Variants in TRIM24 observed in about 807,000 individuals in gnomAD.
TRIM24 encodes the protein tripartite motif containing 24.
In TRIM24, 29 loss-of-function variants were observed where a neutral mutation model predicts 123.9. The observed-to-expected ratio is 0.23, with a 90% CI of 0.17 to 0.32. TRIM24 has a LOEUF of 0.32. Among genes scored for constraint, TRIM24 ranks in the 10% least tolerant of loss-of-function variants. The pLI, the probability that TRIM24 is intolerant of heterozygous loss-of-function variation, is 1.00. For synonymous variants in TRIM24, 456 were observed against 461.1 expected (o/e 0.99, Z 0.14); for missense variants, 932 against 1,295.3 (o/e 0.72, Z 4.31).
chr7:138,517,562 CG>C (rs2116561258), intron 3 of TRIM24, among the ~76,000 whole-genome samples: 1 of 152,024 alleles, frequency 6.6e-6, no homozygotes, highest in East Asian at 1.9e-4. Flanking sequence ...TTAGTAGAGA[CG>C]GGGTTTCACC....
At chr7:138,570,210 G>C (rs1442162700) in intron 10 of TRIM24, among the ~76,000 whole-genome samples, 1 of 152,130 alleles carries the variant, frequency 6.6e-6, no homozygotes, top group Non-Finnish European at 1.5e-5. Flanking sequence ...GGCTCCCAAA[G>C]TGCTGCGATT....
chr7:138,557,296 C>G (rs1371840485), intron 9 of TRIM24, among the ~76,000 whole-genome samples: 2 of 152,136 alleles, frequency 1.3e-5, no homozygotes, highest in Admixed American at 1.3e-4. Flanking sequence ...TTCATTCCCC[C>G]CTTTGATGCT....
At chr7:138,517,985 C>CT (rs556169185) in intron 3 of TRIM24, among the ~76,000 whole-genome samples, 223 of 152,262 alleles carry the variant, frequency 1.5e-3, no homozygotes, top group Non-Finnish European at 2.5e-3. Flanking sequence ...AATTATTTAG[C>CT]TTTTTTCTGT....
rs545936958 is a variant in TRIM24, at chr7:138,538,458, G to A, written c.997-199G>A. On this transcript the variant is annotated intron_variant, in intron 6 of 18. Transcript: ENST00000343526. Reference sequence around the variant, plus strand: ...AAAACCTGATCCAGGGCCTTGAGGAGTGAGGGGCCACATTGGGATGCAGTT... The same window carrying A: ...AAAACCTGATCCAGGGCCTTGAGGAATGAGGGGCCACATTGGGATGCAGTT... Among the ~76,000 whole-genome samples, 27 of 152,298 alleles carry A rather than the reference G, an allele frequency of 1.8e-4. No individual in the cohort carries two copies. In the East Asian group the frequency reaches 5.0e-3, roughly 28 times the overall value.
chr7:138,508,700 C>CGCGCGTGCGCGCGTGCGTGCGTGT (rs1182276337), intron 2 of TRIM24, among the ~76,000 whole-genome samples: 2 of 35,510 alleles, frequency 5.6e-5, no homozygotes, highest in African/African-American at 1.5e-4. Context: ...TGTGCGCGCG[C>CGCGCGTGCGCGCGTGCGTGCGTGT]GTGTGTGCGT....
intron 7 of TRIM24, 27 bp downstream of exon 7, chr7:138,538,830 A>G: frequency 6.3e-7 from 1 of 1,594,748 alleles, no homozygotes; most frequent in Non-Finnish European, 8.6e-7. Context: ...TATTTAATAT[A>G]CTGTAAAAAT....
intron 6 of TRIM24, among the ~76,000 whole-genome samples, chr7:138,532,267 GT>G (rs1796764203): frequency 6.6e-6 from 1 of 152,020 alleles, no homozygotes; most frequent in Non-Finnish European, 1.5e-5. Context: ...TGCTTTTGGT[GT>G]TTTAGACATG....
Position 138,460,516 on chromosome 7 carries a change from T to G in TRIM24, c.-33T>G. 7.9e-7 allele frequency: 1 copy of G among 1,261,034 alleles called. No homozygotes were observed. The highest frequency in any genetic ancestry group is 3.4e-5 in the South Asian group (1 of 29,800). The allele number at this position is 1,261,034 out of a possible 1,614,324, so 78.1% of individuals were successfully genotyped here. On this transcript the variant is annotated 5_prime_UTR_variant, in exon 1 of 19. Coordinates refer to ENST00000343526, the MANE Select transcript of TRIM24 (RefSeq NM_015905.3). ...CGGGGGCGGCGGGCGGAGACCGCGC[T>G]CTCGCTTCCCCGGCGGCGGCAAGGG...
chr7:138,524,790 T>C (rs982745788), intron 4 of TRIM24, among the ~76,000 whole-genome samples: 1 of 152,132 alleles, frequency 6.6e-6, no homozygotes, highest in Admixed American at 6.5e-5. Flanking sequence ...ACATCAAGAA[T>C]TTTGCCCTTC....
chr7:138,522,725 G>A (rs531809365), intron 4 of TRIM24, among the ~76,000 whole-genome samples: 46 of 152,214 alleles, frequency 3.0e-4, no homozygotes, highest in Non-Finnish European at 5.0e-4. Flanking sequence ...TTATTAAGGG[G>A]TTGAAGGGCT....
chr7:138,573,475 G>T, intron 11 of TRIM24, 32 bp from the exon 12 acceptor site: 1 of 1,497,282 alleles, frequency 6.7e-7, no homozygotes, highest in South Asian at 1.4e-5. Context: ...TGCAAAATCA[G>T]AATGCCCTGA....
chr7:138,497,397 T>C (rs1474588615), intron 1 of TRIM24, among the ~76,000 whole-genome samples: 5 of 111,710 alleles, frequency 4.5e-5, no homozygotes, highest in Middle Eastern at 3.8e-3. Context: ...CAATTTCTTT[T>C]TTTTTTTTTT....
At position 138,586,312 on chromosome 7, in the gene TRIM24, A is replaced by ATGAT. The variant is rs1199256823; in HGVS notation, c.*1362_*1365dup. On this transcript the variant is annotated 3_prime_UTR_variant, in exon 19 of 19. Coordinates refer to ENST00000343526, the MANE Select transcript of TRIM24 (RefSeq NM_015905.3). ...ACTGGAGTAAATTTTTCTCCTTAGG[A>ATGAT]TGATAGAATAAAAAGAGCTCACTTG... 2 of 158,178 alleles carry ATGAT rather than the reference A, an allele frequency of 1.3e-5. No individual in the cohort carries two copies. The highest frequency in any genetic ancestry group is 2.8e-5 in the Non-Finnish European group (2 of 71,486). 9.8% of individuals were successfully genotyped at this position (158,178 alleles called of 1,614,324 possible).
At chr7:138,462,706 T>A (rs541866538) in intron 1 of TRIM24, among the ~76,000 whole-genome samples, 1 of 152,246 alleles carries the variant, frequency 6.6e-6, no homozygotes, top group Admixed American at 6.5e-5. Context: ...CCTGTGTCTC[T>A]GACCCTTGAA....
chr7:138,488,763 TC>T (rs1488476043), intron 1 of TRIM24, among the ~76,000 whole-genome samples: 1 of 152,194 alleles, frequency 6.6e-6, no homozygotes, highest in Non-Finnish European at 1.5e-5. Flanking sequence ...GTGCTTTACT[TC>T]CAACTATGTG....
chr7:138,499,851 T>C (rs1273625292), intron 1 of TRIM24, among the ~76,000 whole-genome samples: 7 of 152,298 alleles, frequency 4.6e-5, no homozygotes, highest in African/African-American at 1.7e-4. Context: ...TTGAAGTAGA[T>C]TTCTTGTAGA....
intron 6 of TRIM24, among the ~76,000 whole-genome samples, chr7:138,533,749 TC>T (rs1796801976): frequency 6.6e-6 from 1 of 152,332 alleles, no homozygotes; most frequent in East Asian, 1.9e-4. Flanking sequence ...TAGGGAGGAT[TC>T]CCTGTTTTTC....
At chr7:138,547,626 C>T (rs1797127979) in intron 7 of TRIM24, among the ~76,000 whole-genome samples, 1 of 152,050 alleles carries the variant, frequency 6.6e-6, no homozygotes, top group Non-Finnish European at 1.5e-5. Context: ...ATGACTGCTG[C>T]CTGGTAAACA....
chr7:138,486,774 G>A (rs1228901668), intron 1 of TRIM24, among the ~76,000 whole-genome samples: 1 of 152,158 alleles, frequency 6.6e-6, no homozygotes, highest in Non-Finnish European at 1.5e-5. Flanking sequence ...GTAGCATGAT[G>A]CCTCCAGCTT....
Sources: gnomAD v4.1 joint callset for allele counts (sites outside exome capture counted in the v4.1 genomes callset) on GRCh38, gnomAD v4.1.1 for gene constraint, MANE v1.5 for transcripts, NCBI Gene and HGNC (gene_info 2026-07-23, HGNC 2026-07-21) for gene names.